The following USO1 variants were observed in gnomAD, a reference collection of about 807,000 sequenced individuals.
USO1 encodes the protein USO1 vesicle transport factor.
Under a neutral mutation model 124.5 loss-of-function variants are expected in USO1, and 57 were observed. The ratio of observed to expected loss-of-function variants is 0.46; its 90% CI spans 0.37 to 0.57. The LOEUF (loss-of-function observed/expected upper bound fraction) is 0.57, where lower values mean the gene tolerates loss of function less well. USO1 is among the 20% of genes least tolerant of loss of function. USO1 has a pLI of 0.00. For missense variants in USO1, 900 were observed against 1,040.6 expected (o/e 0.86, Z 1.86); for synonymous variants, 369 against 362.8 (o/e 1.02, Z -0.19).
At chr4:75,732,075 T>C (rs537538733) in intron 1 of USO1, among the ~76,000 whole-genome samples, 72 of 152,312 alleles carry the variant, frequency 4.7e-4, no homozygotes, top group Non-Finnish European at 8.7e-4. Flanking sequence ...GTAAATTGCC[T>C]GTTGCTAAGG....
At chr4:75,805,072 T>C in intron 18 of USO1, 68 bp from the exon 19 acceptor site, 1 of 1,478,438 alleles carries the variant, frequency 6.8e-7, no homozygotes, top group Non-Finnish European at 9.0e-7. Context: ...CATATTTGAA[T>C]CTTCTACTTC....
At chr4:75,739,602 G>GTGATCTCGGCTCACTGCAAGCTC (rs1720899259) in intron 1 of USO1, among the ~76,000 whole-genome samples, 1 of 144,012 alleles carries the variant, frequency 6.9e-6, no homozygotes, top group South Asian at 2.2e-4. Flanking sequence ...GTGCAGTGGC[G>GTGATCTCGGCTCACTGCAAGCTC]TGATCTCGGC....
Position 75,812,277 on chromosome 4 carries a change from G to A in USO1, c.2701G>A (p.Asp901Asn). ...AGACAAACTAGAGTTGGAAATTACAGATTCTAAAAAAGAACAAGATGATCT... is the reference window on the plus strand; with the variant it reads ...AGACAAACTAGAGTTGGAAATTACAAATTCTAAAAAAGAACAAGATGATCT... ...EKDKLELEIT[D>N]SKKEQDDLLV... The change falls in exon 23 of 24, where the codon GAT (aspartate) becomes AAT (asparagine). Residue 901 changes from aspartate to asparagine, a missense_variant. By Grantham distance (23) the Asp-to-Asn change is conservative. Coordinates refer to ENST00000514213, the MANE Select transcript of USO1 (RefSeq NM_003715.4). 1.9e-6 allele frequency: 3 copies of A among 1,608,092 alleles called. No individual in the cohort carries two copies. Among genetic ancestry groups the A allele is most frequent in the Non-Finnish European group, 2.5e-6 (3 of 1,177,078 alleles).
chr4:75,732,876 TAAAAAA>T (rs3059597), intron 1 of USO1, among the ~76,000 whole-genome samples: 7 of 48,182 alleles, frequency 1.5e-4, no homozygotes, highest in Non-Finnish European at 2.3e-4. Flanking sequence ...AGATTCCATC[TAAAAAA>T]AAAAAAAAAA....
At chr4:75,792,108 T>A (rs1722548929) in intron 12 of USO1, among the ~76,000 whole-genome samples, 2 of 152,018 alleles carry the variant, frequency 1.3e-5, no homozygotes, top group Non-Finnish European at 2.9e-5. Context: ...AATTTTGAAA[T>A]GTATACTTAA....
intron 1 of USO1, chr4:75,745,071 T>C (rs747751599): frequency 3.0e-6 from 1 of 334,708 alleles, no homozygotes; most frequent in Non-Finnish European, 5.8e-6. Flanking sequence ...ATTAATGCCT[T>C]CTTTGACCTT....
intron 1 of USO1, among the ~76,000 whole-genome samples, chr4:75,731,009 T>A (rs1404156586): frequency 3.3e-5 from 5 of 152,170 alleles, no homozygotes; most frequent in Non-Finnish European, 7.3e-5. Flanking sequence ...ACCCCTTGCT[T>A]AAAACGATGT....
chr4:75,797,050 C>T (rs1052919835), intron 13 of USO1, among the ~76,000 whole-genome samples: 1 of 151,778 alleles, frequency 6.6e-6, no homozygotes, highest in Non-Finnish European at 1.5e-5. Context: ...GTAGCTCACA[C>T]CTATATGTTA....
chr4:75,760,983 C>T (rs777896301), intron 4 of USO1, among the ~76,000 whole-genome samples: 66 of 152,142 alleles, frequency 4.3e-4, no homozygotes, highest in Non-Finnish European at 2.5e-4. Context: ...CCTGTCTCTA[C>T]TAAAAATATA....
rs190824162 is a variant in USO1 at position 75,811,417 on chromosome 4, C to G, written c.2584-743C>G. Among the ~76,000 whole-genome samples the G allele has an allele frequency of 2.0e-3, 301 of 152,214 alleles. 2 individuals carry two copies. Among genetic ancestry groups the G allele is most frequent in the African/African-American group, 6.4e-3 (264 of 41,558 alleles). On this transcript the variant is annotated intron_variant, in intron 22 of 23. Coordinates refer to ENST00000514213, the MANE Select transcript of USO1 (RefSeq NM_003715.4). ...GTGATCTGCCCGCATTGGCCCCCCC[C>G]AAAGTGCTGGGATTACAGGCGTGAG...
rs1161363702 is a variant in USO1, at chr4:75,798,789, C to T, written c.1453-833C>T. Among the ~76,000 whole-genome samples the T allele has an allele frequency of 2.0e-5, 3 of 151,752 alleles. No individual in the cohort carries two copies. In the East Asian group the frequency reaches 5.8e-4, roughly 29 times the overall value. On this transcript the variant is annotated intron_variant, in intron 13 of 23. Transcript: ENST00000514213. ...AGACTTTCCCCAAAGTGATGCATTA[C>T]TATTCTGATTTTCATTATTTTATTT...
intron 23 of USO1, among the ~76,000 whole-genome samples, chr4:75,812,879 G>A (rs1723189418): frequency 6.6e-6 from 1 of 152,126 alleles, no homozygotes; most frequent in Admixed American, 6.5e-5. Flanking sequence ...GGGGGGCTGA[G>A]GTGGGCAGAT....
Position 75,806,475 on chromosome 4 carries a change from G to A in USO1, c.2290-11G>A. The A allele has an allele frequency of 6.4e-7, 1 of 1,552,384 alleles. No homozygotes were observed. Among genetic ancestry groups the A allele is most frequent in the East Asian group, 2.4e-5 (1 of 41,160 alleles). On this transcript the variant is annotated splice_polypyrimidine_tract_variant and intron_variant, in intron 19 of 23. Transcript: ENST00000514213. ...AATATATTTTATAGTTTATTTTTGT[G>A]CTATTTGCAGAAATCTTCCCAAACA...
At chr4:75,781,299 G>C (rs1722214888) in intron 8 of USO1, among the ~76,000 whole-genome samples, 1 of 152,168 alleles carries the variant, frequency 6.6e-6, no homozygotes, top group Non-Finnish European at 1.5e-5. Context: ...CAACAGATGA[G>C]GGGTTATTAC....
rs200738613 is a variant in USO1 at position 75,803,799 on chromosome 4, CATAT to C, written c.1987-333_1987-330del. 4.1e-3 allele frequency among the ~76,000 whole-genome samples: 620 copies of C among 151,932 alleles called. 14 individuals carry two copies. In the East Asian group the frequency reaches 0.048, roughly 12 times the overall value. ...TAATATAGAAGCATATGTATACATA[CATAT>C]ACTAAATTTCTTAAATAGTTTGATG... On this transcript the variant is annotated intron_variant, in intron 17 of 23. Coordinates refer to ENST00000514213, the MANE Select transcript of USO1 (RefSeq NM_003715.4).
chr4:75,782,770 T>G lies in USO1; in HGVS notation c.767T>G (p.Ile256Ser), dbSNP rs1722256751. 1 of 1,598,282 alleles carries G rather than the reference T, an allele frequency of 6.3e-7. No individual in the cohort carries two copies. The change falls in exon 9 of 24, where the codon ATT becomes AGT. Residue 256 changes from isoleucine to serine, a missense_variant. Ile to Ser is a moderately radical substitution (Grantham distance 142). Coordinates refer to ENST00000514213, the MANE Select transcript of USO1 (RefSeq NM_003715.4). ...NQNFFKEGSY[I>S]QRMKPWFEVG... Reference sequence around the variant, plus strand: ...AATTTTTTTAAAGAAGGCTCATATATTCAACGTATGAAACCTTGGTTTGAA... The same window carrying G: ...AATTTTTTTAAAGAAGGCTCATATAGTCAACGTATGAAACCTTGGTTTGAA...
intron 22 of USO1, among the ~76,000 whole-genome samples, chr4:75,811,311 A>G (rs1005056039): frequency 3.3e-5 from 5 of 152,088 alleles, no homozygotes; most frequent in African/African-American, 1.2e-4. Context: ...ACCTGCCAAC[A>G]TGCTCAGCTA....
intron 8 of USO1, among the ~76,000 whole-genome samples, chr4:75,775,438 C>G (rs546590024): frequency 1.6e-4 from 25 of 152,226 alleles, no homozygotes; most frequent in South Asian, 4.1e-4. Flanking sequence ...ACTTGGGAGG[C>G]TGAGAAACGA....
intron 8 of USO1, among the ~76,000 whole-genome samples, chr4:75,776,101 A>G (rs73825544): frequency 4.0e-3 from 606 of 152,286 alleles, no homozygotes; most frequent in African/African-American, 0.014. Context: ...TGAATTTGTT[A>G]TATATCTGCA....
Sources: gnomAD v4.1 joint callset for allele counts (sites outside exome capture counted in the v4.1 genomes callset) on GRCh38, gnomAD v4.1.1 for gene constraint, MANE v1.5 for transcripts, NCBI Gene and HGNC (gene_info 2026-07-23, HGNC 2026-07-21) for gene names.